The following SELENOT variants were observed in gnomAD, a reference collection of about 807,000 sequenced individuals.
SELENOT encodes the protein selenoprotein T.
Under a neutral mutation model 24.3 loss-of-function variants are expected in SELENOT, and 9 were observed. The observed-to-expected ratio is 0.37, with a 90% CI of 0.22 to 0.65. SELENOT has a LOEUF of 0.65. Ranked by LOEUF, SELENOT falls within the 30% of genes least tolerant of loss-of-function variation. SELENOT has a pLI of 0.60. For missense variants in SELENOT, 166 were observed against 247.6 expected (o/e 0.67, Z 2.21); for synonymous variants, 81 against 86.0 (o/e 0.94, Z 0.32).
At chr3:150,609,159 G>C (rs981145554) in intron 1 of SELENOT, among the ~76,000 whole-genome samples, 1 of 152,120 alleles carries the variant, frequency 6.6e-6, no homozygotes, top group Admixed American at 6.5e-5. Context: ...CTATTTTGAG[G>C]TATGTTCCTT....
At position 150,623,492 on chromosome 3, in the gene SELENOT, A is replaced by G. The variant is rs533556992; in HGVS notation, c.375+323A>G. 2.0e-5 allele frequency among the ~76,000 whole-genome samples: 3 copies of G among 152,246 alleles called. No individual in the cohort carries two copies. In the South Asian group the frequency reaches 6.2e-4, roughly 32 times the overall value. The stretch of plus-strand genomic sequence containing the variant: ...GTCAAATCATATCCAGCAAAACATA[A>G]TATATACATAATGCAGGCCTTTTAA... On this transcript the variant is annotated intron_variant, in intron 3 of 5. Coordinates refer to ENST00000471696, the MANE Select transcript of SELENOT (RefSeq NM_016275.5).
At chr3:150,610,521 T>C (rs751483536) in intron 1 of SELENOT, among the ~76,000 whole-genome samples, 7 of 152,316 alleles carry the variant, frequency 4.6e-5, no homozygotes, top group African/African-American at 9.6e-5. Context: ...ATATACATAA[T>C]TGATGACCTA....
chr3:150,612,403 A>T (rs529667273), intron 1 of SELENOT, among the ~76,000 whole-genome samples: 26 of 152,126 alleles, frequency 1.7e-4, no homozygotes, highest in East Asian at 5.8e-4. Flanking sequence ...ATATATATAT[A>T]TTTTTAATGT....
At chr3:150,609,210 C>G (rs1217293835) in intron 1 of SELENOT, among the ~76,000 whole-genome samples, 5 of 152,220 alleles carry the variant, frequency 3.3e-5, no homozygotes, top group Non-Finnish European at 7.3e-5. Flanking sequence ...TTTGAATACA[C>G]TGCGCCATCA....
chr3:150,603,726 G>A (rs1725897545), intron 1 of SELENOT: 1 of 420,286 alleles, frequency 2.4e-6, no homozygotes, highest in African/African-American at 2.1e-5. Flanking sequence ...TAGAACAGTG[G>A]GAATGGGGAA....
At chr3:150,622,662 A>T (rs1726367392) in intron 2 of SELENOT, among the ~76,000 whole-genome samples, 167 bp downstream of exon 2, 1 of 152,212 alleles carries the variant, frequency 6.6e-6, no homozygotes, top group Non-Finnish European at 1.5e-5. Flanking sequence ...CCAATATAGA[A>T]GGCTTTTTCT....
At position 150,603,391 on chromosome 3, in the gene SELENOT, C is replaced by T. The variant is rs747097953; in HGVS notation, c.29C>T (p.Ala10Val). 2 of 1,612,804 alleles carry T rather than the reference C, an allele frequency of 1.2e-6. No individual in the cohort carries two copies. The highest frequency in any genetic ancestry group is 2.2e-5 in the South Asian group (2 of 91,038). Residue 10 changes from alanine to valine, a missense_variant, in exon 1 of 6, where the codon GCG becomes GTG. Physicochemically the swap from Ala to Val is moderately conservative, Grantham distance 64. Transcript: ENST00000471696. The stretch of plus-strand genomic sequence containing the variant: ...AGGCTTCTGCTGCTTCTCCTAGTGG[C>T]GGCGTCTGCGATGGTCCGGAGCGAG... Reference protein sequence around the residue: MRLLLLLLVAASAMVRSEAS... With the variant: MRLLLLLLVVASAMVRSEAS...
rs1416481986 is a variant in SELENOT, at chr3:150,611,688, C to T, written c.137+8189C>T. Reference sequence around the variant, plus strand: ...GAAGCTGGCGTTGCCTGCTGCCCGACCGCACCGCTCACCATCCTCCGCAGG... The same window carrying T: ...GAAGCTGGCGTTGCCTGCTGCCCGATCGCACCGCTCACCATCCTCCGCAGG... On this transcript the variant is annotated intron_variant, in intron 1 of 5. Coordinates refer to ENST00000471696, the MANE Select transcript of SELENOT (RefSeq NM_016275.5). 7 of 1,601,454 alleles carry T rather than the reference C, an allele frequency of 4.4e-6. No homozygotes were observed. The Admixed American group carries it at 8.3e-5, about 19-fold the overall frequency.
chr3:150,612,030 G>A (rs952061871), intron 1 of SELENOT, among the ~76,000 whole-genome samples: 1 of 152,184 alleles, frequency 6.6e-6, no homozygotes, highest in Non-Finnish European at 1.5e-5. Context: ...ACAGTGCCGA[G>A]GGCCGGGACT....
rs1384215362 is a variant in SELENOT at position 150,627,033 on chromosome 3, G to A, written c.487G>A (p.Glu163Lys). ...LNDVPVWSKLESGHLPSMQQL... is the reference protein window; with the variant it reads ...LNDVPVWSKLKSGHLPSMQQL... Reference sequence around the variant, plus strand: ...AGATGTACCTGTGTGGTCTAAGCTGGAATCTGGTCACCTTCCATCCATGCA... The same window carrying A: ...AGATGTACCTGTGTGGTCTAAGCTGAAATCTGGTCACCTTCCATCCATGCA... Residue 163 changes from glutamate (E) to lysine (K), a missense_variant, in exon 5 of 6, where the codon GAA (glutamate) becomes AAA (lysine). This residue lies in a region of SELENOT where 44 missense variants were observed against 72.2 expected (regional missense o/e 0.61). Transcript: ENST00000471696. The A allele has an allele frequency of 6.2e-7, 1 of 1,613,020 alleles. No homozygotes were observed. Among genetic ancestry groups the A allele is most frequent in the Non-Finnish European group, 8.5e-7 (1 of 1,179,728 alleles).
intron 1 of SELENOT, chr3:150,611,621 G>C: frequency 6.5e-7 from 1 of 1,536,360 alleles, no homozygotes; most frequent in East Asian, 2.3e-5. Flanking sequence ...TATCCAGCTC[G>C]ATCTTCACCT....
intron 4 of SELENOT, among the ~76,000 whole-genome samples, chr3:150,626,295 G>A (rs980516815): frequency 2.0e-5 from 3 of 152,208 alleles, no homozygotes; most frequent in African/African-American, 7.2e-5. Flanking sequence ...AAAAGGCTCT[G>A]CATGATCTAT....
chr3:150,604,522 A>G (rs1364812213), intron 1 of SELENOT, among the ~76,000 whole-genome samples: 2 of 152,224 alleles, frequency 1.3e-5, no homozygotes, highest in Admixed American at 6.5e-5. Flanking sequence ...GGTGTTGGAC[A>G]TCATTCATTT....
chr3:150,626,947 G>C, intron 4 of SELENOT, 63 bp from the exon 5 acceptor site: 2 of 1,510,920 alleles, frequency 1.3e-6, no homozygotes, highest in Non-Finnish European at 1.8e-6. Context: ...ATATTAGTGG[G>C]ATGAATGCAT....
intron 1 of SELENOT, among the ~76,000 whole-genome samples, chr3:150,612,634 C>T (rs1726123027): frequency 6.6e-6 from 1 of 152,156 alleles, no homozygotes; most frequent in Non-Finnish European, 1.5e-5. Context: ...AAGAATATAG[C>T]TAGCTAGCTA....
chr3:150,614,012 T>A (rs1726157235), intron 1 of SELENOT, among the ~76,000 whole-genome samples: 1 of 152,082 alleles, frequency 6.6e-6, no homozygotes, highest in African/African-American at 2.4e-5. Context: ...TAGGTTTATT[T>A]TTTTTTTTAA....
rs1264730160 is a variant in SELENOT at position 150,617,805 on chromosome 3, TTTATC to T, written c.138-4577_138-4573del. Among the ~76,000 whole-genome samples, 5 of 150,740 alleles carry T rather than the reference TTTATC, an allele frequency of 3.3e-5. No homozygotes were observed. In the South Asian group the frequency reaches 6.4e-4, roughly 19 times the overall value. ...AAACAAAAAAAAACTGAGCACGCTT[TTTATC>T]TTCATTCAAAGTGTTTGCAACTGTT... On this transcript the variant is annotated intron_variant, in intron 1 of 5. Coordinates refer to ENST00000471696, the MANE Select transcript of SELENOT (RefSeq NM_016275.5).
rs1285792747 is a variant in SELENOT at position 150,627,843 on chromosome 3, A to G, written c.*214A>G. On this transcript the variant is annotated 3_prime_UTR_variant, in exon 6 of 6. Transcript: ENST00000471696. ...GAATTCTGCACATTCATGGAGTGCAATAATACTGTATAGCTTTCCCCACCT... is the reference window on the plus strand; with the variant it reads ...GAATTCTGCACATTCATGGAGTGCAGTAATACTGTATAGCTTTCCCCACCT... 1 of 152,330 alleles carries G rather than the reference A, an allele frequency of 6.6e-6. No individual in the cohort carries two copies. Among genetic ancestry groups the G allele is most frequent in the Non-Finnish European group, 1.5e-5 (1 of 68,028 alleles). The allele number at this position is 152,330 out of a possible 1,614,324, so 9.4% of individuals were successfully genotyped here.
At chr3:150,626,014 C>T (rs1399995562) in intron 4 of SELENOT, among the ~76,000 whole-genome samples, 8 of 151,936 alleles carry the variant, frequency 5.3e-5, no homozygotes, top group Admixed American at 4.6e-4. Context: ...GGACTACAGG[C>T]GCCTGCCACC....
Sources: allele counts gnomAD v4.1 joint callset (sites outside exome capture counted in the v4.1 genomes callset), GRCh38; gene constraint gnomAD v4.1.1; regional missense constraint gnomAD v4.1.1; transcripts MANE v1.5; gene names NCBI Gene and HGNC (gene_info 2026-07-23, HGNC 2026-07-21).